EEFSEC: variants seen among roughly 807,000 people sequenced by gnomAD.
EEFSEC encodes the protein selenocysteine-specific elongation factor.
In EEFSEC, 43 loss-of-function variants were observed where a neutral mutation model predicts 42.1. The observed-to-expected ratio is 1.02, with a 90% CI of 0.80 to 1.32. The LOEUF (loss-of-function observed/expected upper bound fraction) is 1.32. Among genes scored for constraint, EEFSEC ranks in the 40% most tolerant of loss-of-function variants. The pLI is 0.00. For synonymous variants in EEFSEC, 354 were observed against 339.1 expected (o/e 1.04, Z -0.48); for missense variants, 745 against 803.6 (o/e 0.93, Z 0.88).
intron 1 of EEFSEC, among the ~76,000 whole-genome samples, chr3:128,207,855 G>T (rs1413036083): frequency 4.6e-5 from 7 of 152,168 alleles, no homozygotes; most frequent in Admixed American, 4.6e-4. Flanking sequence ...TCTAGAGAGA[G>T]TTTCGACATT....
At chr3:128,236,034 G>A (rs1203522068) in intron 1 of EEFSEC, among the ~76,000 whole-genome samples, 4 of 152,112 alleles carry the variant, frequency 2.6e-5, no homozygotes, top group South Asian at 2.1e-4. Flanking sequence ...GCGCAATCTC[G>A]CCTTACTGCA....
chr3:128,419,389 T>TG, the EEFSEC span, among the ~76,000 whole-genome samples: 3 of 151,978 alleles, frequency 2.0e-5, no homozygotes, highest in Admixed American at 6.6e-5. Flanking sequence ...TGAAAACAGG[T>TG]GAAAAAAGTT....
intron 2 of EEFSEC, among the ~76,000 whole-genome samples, 192 bp from the exon 3 acceptor site, chr3:128,261,936 G>A (rs951726020): frequency 2.0e-5 from 3 of 152,112 alleles, no homozygotes; most frequent in African/African-American, 7.2e-5. Context: ...TCCCCCAGAC[G>A]GGGAAATTTG....
At chr3:128,402,575 G>A (rs537243121) in intron 6 of EEFSEC, among the ~76,000 whole-genome samples, 1 of 152,354 alleles carries the variant, frequency 6.6e-6, no homozygotes, top group Admixed American at 6.5e-5. Context: ...TAACTCTTCT[G>A]TGCCTGTTTC....
intron 1 of EEFSEC, among the ~76,000 whole-genome samples, chr3:128,189,078 G>C (rs1189368983): frequency 6.6e-6 from 1 of 152,130 alleles, no homozygotes; most frequent in East Asian, 1.9e-4. Context: ...AGCAAGACAG[G>C]CACTGCTATT....
chr3:128,254,851 C>T (rs1022790335), intron 2 of EEFSEC, among the ~76,000 whole-genome samples: 3 of 152,182 alleles, frequency 2.0e-5, no homozygotes, highest in Non-Finnish European at 4.4e-5. Flanking sequence ...TGTGCATGCA[C>T]TTTGGAGAGC....
chr3:128,160,190 A>G (rs527505972), intron 1 of EEFSEC, among the ~76,000 whole-genome samples: 4 of 152,358 alleles, frequency 2.6e-5, no homozygotes, highest in African/African-American at 9.6e-5. Context: ...CCTCCCCTTT[A>G]GGAGCTTACA....
intron 6 of EEFSEC, among the ~76,000 whole-genome samples, chr3:128,405,173 C>T (rs1980420): frequency 0.058 from 8,857 of 152,152 alleles, 842 homozygotes; most frequent in African/African-American, 0.2. Context: ...CCCGCCACCA[C>T]GCCCGGCTAA....
At chr3:128,262,041 T>C (rs1169732312) in intron 2 of EEFSEC, 87 bp from the exon 3 acceptor site, 2 of 1,247,392 alleles carry the variant, frequency 1.6e-6, no homozygotes, top group African/African-American at 3.0e-5. Flanking sequence ...TCACTGCACT[T>C]GGTACTGTGC....
chr3:128,344,204 G>A (rs935587796), intron 5 of EEFSEC, among the ~76,000 whole-genome samples: 7 of 152,244 alleles, frequency 4.6e-5, no homozygotes, highest in African/African-American at 1.7e-4. Flanking sequence ...CCCCAGGGCA[G>A]GAATGAGCCT....
chr3:128,331,744 G>A (rs1368967636), intron 4 of EEFSEC, among the ~76,000 whole-genome samples: 1 of 152,250 alleles, frequency 6.6e-6, no homozygotes, highest in East Asian at 1.9e-4. Context: ...CACTAAGATA[G>A]CAATGGGTCA....
chr3:128,255,283 A>G (rs1197382482), intron 2 of EEFSEC, among the ~76,000 whole-genome samples: 2 of 152,170 alleles, frequency 1.3e-5, no homozygotes, highest in Non-Finnish European at 2.9e-5. Flanking sequence ...AGGATAGTCA[A>G]GGGCCATGGA....
intron 1 of EEFSEC, among the ~76,000 whole-genome samples, chr3:128,208,281 C>G (rs2065721566): frequency 6.6e-6 from 1 of 152,218 alleles, no homozygotes; most frequent in South Asian, 2.1e-4. Flanking sequence ...GGATTTCACT[C>G]TAACAGGCAC....
chr3:128,178,112 CAT>C (rs2065369766), intron 1 of EEFSEC, among the ~76,000 whole-genome samples: 1 of 152,140 alleles, frequency 6.6e-6, no homozygotes, highest in African/African-American at 2.4e-5. Flanking sequence ...GCAAATAAAA[CAT>C]AGTTCAGAGT....
intron 1 of EEFSEC, among the ~76,000 whole-genome samples, chr3:128,199,244 T>A (rs1258380401): frequency 6.6e-6 from 1 of 152,246 alleles, no homozygotes; most frequent in African/African-American, 2.4e-5. Context: ...ACTCCAGCAT[T>A]TTATAAATGC....
intron 5 of EEFSEC, among the ~76,000 whole-genome samples, chr3:128,348,110 G>A (rs369521959): frequency 5.9e-5 from 9 of 152,246 alleles, no homozygotes; most frequent in South Asian, 2.1e-4. Flanking sequence ...TGCCCACATG[G>A]AACTTAGATT....
chr3:128,240,289 C>T (rs1305397359), intron 1 of EEFSEC, among the ~76,000 whole-genome samples: 1 of 152,208 alleles, frequency 6.6e-6, no homozygotes, highest in Non-Finnish European at 1.5e-5. Context: ...TTAGTACCAG[C>T]TCCTGCTTAC....
In EEFSEC at chr3:128,314,646, T is replaced by C. The variant is rs376314694; in HGVS notation, c.787-26587T>C. 1.8e-4 allele frequency among the ~76,000 whole-genome samples: 27 copies of C among 152,350 alleles called. No homozygotes were observed. In the East Asian group the frequency reaches 3.9e-3, roughly 22 times the overall value. Reference sequence around the variant, plus strand: ...GGCATCAGCCATTGCTCCCAGCCTGTTGACATTTTTCTACCTGATAATTTT... The same window carrying C: ...GGCATCAGCCATTGCTCCCAGCCTGCTGACATTTTTCTACCTGATAATTTT... On this transcript the variant is annotated intron_variant, in intron 4 of 6. Transcript: ENST00000254730.
chr3:128,262,022 A>G, intron 2 of EEFSEC, 106 bp from the exon 3 acceptor site: 2 of 994,360 alleles, frequency 2.0e-6, no homozygotes, highest in Non-Finnish European at 3.1e-6. Flanking sequence ...TGGGGAGAGA[A>G]GAGGATGCTC....
Sources: gnomAD v4.1 joint callset for allele counts (sites outside exome capture counted in the v4.1 genomes callset) on GRCh38, gnomAD v4.1.1 for gene constraint, MANE v1.5 for transcripts, NCBI Gene and HGNC (gene_info 2026-07-23, HGNC 2026-07-21) for gene names.